The following SYNPR variants were observed in gnomAD, a reference collection of about 807,000 sequenced individuals.
SYNPR encodes synaptoporin.
Under a neutral mutation model 32.9 loss-of-function variants are expected in SYNPR, and 23 were observed. The ratio of observed to expected loss-of-function variants is 0.70; its 90% CI spans 0.50 to 0.99. The LOEUF is 0.99. Ranked by LOEUF, SYNPR falls within the 50% of genes least tolerant of loss-of-function variation. The probability of loss-of-function intolerance (pLI) is 0.00; values close to 1 mark genes in which losing one functional copy is unlikely to be tolerated. For missense variants in SYNPR, 318 were observed against 349.3 expected (o/e 0.91, Z 0.71); for synonymous variants, 146 against 135.9 (o/e 1.07, Z -0.52).
Position 63,238,857 on chromosome 3 carries a change from G to A in SYNPR, n.66+10477G>A, listed in dbSNP as rs143720589. ...TTGATGTGTGGTAGTAGGGTAATTC[G>A]GTATAACTGTATCTTGGAGGAGGCT... On this transcript the variant is annotated intron_variant and non_coding_transcript_variant, in intron 1 of 4. Coordinates refer to the SYNPR transcript ENST00000478456. Among the ~76,000 whole-genome samples, 203 of 152,116 alleles carry A rather than the reference G, an allele frequency of 1.3e-3. 1 individual carries two copies. The highest frequency in any genetic ancestry group is 4.7e-3 in the African/African-American group (195 of 41,532).
intron 4 of SYNPR, among the ~76,000 whole-genome samples, chr3:63,583,606 G>T (rs1703130582): frequency 1.3e-5 from 2 of 151,992 alleles, no homozygotes; most frequent in Non-Finnish European, 2.9e-5. Context: ...GCATATTTTT[G>T]AGCTTGGAAC....
At chr3:63,522,343 A>G (rs1559525378) in intron 3 of SYNPR, among the ~76,000 whole-genome samples, 1 of 152,216 alleles carries the variant, frequency 6.6e-6, no homozygotes, top group Admixed American at 6.5e-5. Flanking sequence ...AAGAACAACA[A>G]TAACTATTAC....
intron 4 of SYNPR, among the ~76,000 whole-genome samples, chr3:63,593,399 T>G (rs903815422): frequency 7.9e-5 from 12 of 152,104 alleles, no homozygotes; most frequent in African/African-American, 2.9e-4. Flanking sequence ...TATTCTGAGT[T>G]CACCAAACAT....
chr3:63,521,163 C>T (rs983298016), intron 3 of SYNPR, among the ~76,000 whole-genome samples: 1 of 152,188 alleles, frequency 6.6e-6, no homozygotes, highest in Non-Finnish European at 1.5e-5. Context: ...GACAATGCTT[C>T]TTCCAGTGGG....
chr3:63,564,693 GC>G (rs939229717), intron 4 of SYNPR, among the ~76,000 whole-genome samples: 3 of 152,134 alleles, frequency 2.0e-5, no homozygotes, highest in African/African-American at 7.2e-5. Context: ...TTCCCGGTGT[GC>G]TTTCTAGATG....
chr3:63,412,261 G>C (rs2088476424), intron 2 of SYNPR, among the ~76,000 whole-genome samples: 1 of 152,132 alleles, frequency 6.6e-6, no homozygotes, highest in Non-Finnish European at 1.5e-5. Context: ...GCATTCAAGA[G>C]AAGACAATAA....
chr3:63,601,542 T>C (rs1700042618), intron 4 of SYNPR, among the ~76,000 whole-genome samples: 1 of 152,148 alleles, frequency 6.6e-6, no homozygotes, highest in African/African-American at 2.4e-5. Context: ...GTTCCCTTCC[T>C]TGTGTCCACG....
At chr3:63,424,983 A>G (rs1373504533) in intron 2 of SYNPR, among the ~76,000 whole-genome samples, 2 of 152,216 alleles carry the variant, frequency 1.3e-5, no homozygotes, top group Non-Finnish European at 2.9e-5. Flanking sequence ...TTCCTAGCAT[A>G]TGTGCCCAAT....
chr3:63,334,396 G>C (rs1161818576), intron 2 of SYNPR, among the ~76,000 whole-genome samples: 1 of 152,172 alleles, frequency 6.6e-6, no homozygotes, highest in African/African-American at 2.4e-5. Context: ...AAGGTTGCTT[G>C]CCTTGGGATT....
chr3:63,223,761 T>C (rs140655603), upstream of SYNPR, among the ~76,000 whole-genome samples: 42 of 152,332 alleles, frequency 2.8e-4, no homozygotes, highest in African/African-American at 9.1e-4. Flanking sequence ...CATAGCACCA[T>C]ATTTTCTCTC....
At chr3:63,281,645 GC>G (rs1331539869) in intron 2 of SYNPR, among the ~76,000 whole-genome samples, 2 of 151,978 alleles carry the variant, frequency 1.3e-5, no homozygotes, top group African/African-American at 4.8e-5. Context: ...ATTCACAAGG[GC>G]TCCACATTTA....
intron 3 of SYNPR, among the ~76,000 whole-genome samples, chr3:63,501,383 ATGGGAGGATCACTTGCACC>A (rs1248687394): frequency 6.7e-6 from 1 of 149,982 alleles, no homozygotes; most frequent in African/African-American, 2.4e-5. Flanking sequence ...CTGGGCTGAG[ATGGGAGGATCACTTGCACC>A]TGGGAGGTTA....
At chr3:63,385,712 C>A (rs2088031335) in intron 2 of SYNPR, among the ~76,000 whole-genome samples, 1 of 152,110 alleles carries the variant, frequency 6.6e-6, no homozygotes, top group African/African-American at 2.4e-5. Flanking sequence ...TAGCTGAGGA[C>A]TGAAGGTATA....
intron 2 of SYNPR, among the ~76,000 whole-genome samples, chr3:63,291,224 G>GT (rs11333000): frequency 6.6e-6 from 1 of 151,694 alleles, no homozygotes; most frequent in South Asian, 2.1e-4. Context: ...CATCAAAGGT[G>GT]TTTTTTTAAT....
intron 4 of SYNPR, among the ~76,000 whole-genome samples, chr3:63,579,619 C>T (rs1027538121): frequency 6.6e-6 from 1 of 152,070 alleles, no homozygotes; most frequent in African/African-American, 2.4e-5. Context: ...TAGAAAGATG[C>T]TCAACATGAG....
chr3:63,580,597 C>T (rs1216211264), intron 4 of SYNPR, among the ~76,000 whole-genome samples: 2 of 152,132 alleles, frequency 1.3e-5, no homozygotes, highest in African/African-American at 4.8e-5. Context: ...TAGTCAGATA[C>T]AGATACAGTT....
chr3:63,257,980 T>C (rs7426442), intron 2 of SYNPR, among the ~76,000 whole-genome samples: 1 of 152,124 alleles, frequency 6.6e-6, no homozygotes, highest in African/African-American at 2.4e-5. Context: ...AAGAAGGCCA[T>C]TACATAATGG....
chr3:63,299,449 G>A (rs1310300944), intron 2 of SYNPR, among the ~76,000 whole-genome samples: 1 of 151,864 alleles, frequency 6.6e-6, no homozygotes, highest in Non-Finnish European at 1.5e-5. Context: ...TTGTATTCAA[G>A]GAAGACAGTA....
chr3:63,403,441 T>TAC (rs10559096), intron 2 of SYNPR, among the ~76,000 whole-genome samples: 3,002 of 145,692 alleles, frequency 0.021, 29 homozygotes, highest in Middle Eastern at 0.043. Flanking sequence ...TGTATACACA[T>TAC]ACACACACAC....
Sources: allele counts gnomAD v4.1 joint callset (sites outside exome capture counted in the v4.1 genomes callset), GRCh38; gene constraint gnomAD v4.1.1; transcripts MANE v1.5; gene names NCBI Gene and HGNC (gene_info 2026-07-23, HGNC 2026-07-21).